Variants in TUSC3 observed in about 807,000 individuals in gnomAD.
TUSC3 encodes tumor suppressor candidate 3.
Under a neutral mutation model 44.8 loss-of-function variants are expected in TUSC3, and 45 were observed. The ratio of observed to expected loss-of-function variants is 1.00; its 90% confidence interval spans 0.79 to 1.29. TUSC3 has a LOEUF of 1.29. Ranked by LOEUF, TUSC3 falls within the 50% of genes most tolerant of loss-of-function variation. The probability of loss-of-function intolerance (pLI) is 0.00; values close to 1 mark genes in which losing one functional copy is unlikely to be tolerated. For missense variants in TUSC3, 519 were observed against 437.9 expected (o/e 1.19, Z -1.65); for synonymous variants, 212 against 152.9 (o/e 1.39, Z -2.85).
At chr8:15,773,237 A>AT in the TUSC3 span, among the ~76,000 whole-genome samples, 4 of 152,176 alleles carry the variant, frequency 2.6e-5, no homozygotes, top group African/African-American at 9.7e-5. Flanking sequence ...AAAACGAAGA[A>AT]TTTTTTAAAT....
the TUSC3 span, among the ~76,000 whole-genome samples, chr8:15,792,667 G>A: frequency 6.6e-6 from 1 of 152,136 alleles, no homozygotes; most frequent in East Asian, 1.9e-4. Flanking sequence ...CCAGGCTGGA[G>A]TGCAGTGGTG....
At chr8:15,476,641 C>T (rs1157505923) in intron 1 of TUSC3, among the ~76,000 whole-genome samples, 1 of 151,932 alleles carries the variant, frequency 6.6e-6, no homozygotes, top group Admixed American at 6.6e-5. Flanking sequence ...ACAAACAAAG[C>T]TGGGAAAGAA....
intron 1 of TUSC3, among the ~76,000 whole-genome samples, chr8:15,439,282 A>T (rs1380734890): frequency 1.3e-5 from 2 of 152,198 alleles, no homozygotes; most frequent in African/African-American, 4.8e-5. Context: ...AGGACAAAAA[A>T]ATGCCAGGCA....
the TUSC3 span, among the ~76,000 whole-genome samples, chr8:15,784,664 G>C: frequency 1.3e-5 from 2 of 152,032 alleles, no homozygotes; most frequent in African/African-American, 2.4e-5. Context: ...GCCAGGCAGA[G>C]AAAGACAAAT....
chr8:15,772,812 G>GTT, the TUSC3 span, among the ~76,000 whole-genome samples: 1 of 152,078 alleles, frequency 6.6e-6, no homozygotes, highest in Non-Finnish European at 1.5e-5. Context: ...TGACCAAGTG[G>GTT]GAATTATTCC....
chr8:15,687,954 T>A, intron 6 of TUSC3, among the ~76,000 whole-genome samples: 1 of 152,184 alleles, frequency 6.6e-6, no homozygotes, highest in Non-Finnish European at 1.5e-5. Flanking sequence ...TCAAACTTCA[T>A]CTAATACAGT....
chr8:15,812,586 G>A, the TUSC3 span, among the ~76,000 whole-genome samples: 192 of 152,208 alleles, frequency 1.3e-3, no homozygotes, highest in Admixed American at 4.2e-3. Context: ...ACTCCTGGCC[G>A]TCTGAACTCA....
chr8:15,616,032 C>T (rs370879895), intron 1 of TUSC3, among the ~76,000 whole-genome samples: 11 of 152,248 alleles, frequency 7.2e-5, no homozygotes, highest in Middle Eastern at 3.4e-3. Context: ...TGGGGCCTCA[C>T]TGTGCTGCAG....
chr8:15,789,887 G>A, the TUSC3 span, among the ~76,000 whole-genome samples: 1 of 152,114 alleles, frequency 6.6e-6, no homozygotes, highest in Non-Finnish European at 1.5e-5. Flanking sequence ...CCTAAATTGG[G>A]GTTTAGGCTG....
At chr8:15,844,484 T>C in the TUSC3 span, among the ~76,000 whole-genome samples, 1 of 151,690 alleles carries the variant, frequency 6.6e-6, no homozygotes, top group Non-Finnish European at 1.5e-5. Context: ...AACAAAAGAG[T>C]TATGATGAAC....
intron 1 of TUSC3, among the ~76,000 whole-genome samples, chr8:15,575,863 A>C (rs1803080358): frequency 6.6e-6 from 1 of 152,140 alleles, no homozygotes; most frequent in African/African-American, 2.4e-5. Context: ...TTAGGCTTTA[A>C]AAATTGCTTC....
At chr8:15,601,280 C>A (rs1022080204) in intron 1 of TUSC3, among the ~76,000 whole-genome samples, 3 of 151,402 alleles carry the variant, frequency 2.0e-5, no homozygotes, top group Non-Finnish European at 4.4e-5. Flanking sequence ...TGCATTGTTT[C>A]CCCCCCGTTG....
chr8:15,678,077 C>A (rs1330627638), intron 6 of TUSC3, among the ~76,000 whole-genome samples: 2 of 152,298 alleles, frequency 1.3e-5, no homozygotes, highest in East Asian at 3.9e-4. Flanking sequence ...TATTGTGAGC[C>A]ACTGAACCTT....
At chr8:15,673,676 T>C in intron 5 of TUSC3, 71 bp from the exon 6 acceptor site, 1 of 1,247,440 alleles carries the variant, frequency 8.0e-7, no homozygotes, top group Non-Finnish European at 1.2e-6. Flanking sequence ...ATGATGACCA[T>C]TGTCTTTTAG....
In TUSC3 at chr8:15,544,262, A is replaced by T. The variant is rs373067931; in HGVS notation, c.138+3694A>T. Among the ~76,000 whole-genome samples the T allele has an allele frequency of 8.5e-5, 13 of 152,210 alleles. 2 individuals carry two copies. The East Asian group carries it at 2.1e-3, about 25-fold the overall frequency. On this transcript the variant is annotated intron_variant, in intron 1 of 10. Coordinates refer to ENST00000503731, the MANE Select transcript of TUSC3 (RefSeq NM_006765.4). Reference sequence around the variant, plus strand: ...CAGTTTCTCTCTTTCTAACTTCATTAACACTTATCAGTTAATCAGCTTCAT... The same window carrying T: ...CAGTTTCTCTCTTTCTAACTTCATTTACACTTATCAGTTAATCAGCTTCAT...
intron 6 of TUSC3, among the ~76,000 whole-genome samples, chr8:15,692,691 G>C (rs1246720464): frequency 6.6e-6 from 1 of 150,456 alleles, no homozygotes; most frequent in Non-Finnish European, 1.5e-5. Flanking sequence ...CATGGAGTCA[G>C]TCGTAGCACC....
chr8:15,631,003 C>T (rs1461580144), intron 2 of TUSC3, among the ~76,000 whole-genome samples: 1 of 152,098 alleles, frequency 6.6e-6, no homozygotes, highest in East Asian at 1.9e-4. Flanking sequence ...TTATCATTTC[C>T]TCTTACCTTT....
intron 6 of TUSC3, among the ~76,000 whole-genome samples, chr8:15,696,931 T>C (rs1370415282): frequency 6.6e-6 from 1 of 152,138 alleles, no homozygotes; most frequent in East Asian, 1.9e-4. Flanking sequence ...CTGGACTTTT[T>C]TTTGTTGGTA....
chr8:15,606,506 T>C (rs1376543663), intron 1 of TUSC3, among the ~76,000 whole-genome samples: 1 of 152,062 alleles, frequency 6.6e-6, no homozygotes, highest in Non-Finnish European at 1.5e-5. Flanking sequence ...ATTTCAAATA[T>C]TTAGCATGTA....
Sources: gnomAD v4.1 joint callset for allele counts (sites outside exome capture counted in the v4.1 genomes callset) on GRCh38, gnomAD v4.1.1 for gene constraint, MANE v1.5 for transcripts, NCBI Gene and HGNC (gene_info 2026-07-23, HGNC 2026-07-21) for gene names.